The following HS6ST2 variants were observed in gnomAD, a reference collection of about 807,000 sequenced individuals.
HS6ST2 encodes heparan-sulfate 6-O-sulfotransferase 2.
In HS6ST2, 17 loss-of-function variants were observed where a neutral mutation model predicts 33.0. The ratio of observed to expected loss-of-function variants is 0.52; its 90% CI spans 0.35 to 0.77. The LOEUF (loss-of-function observed/expected upper bound fraction) is 0.77, where lower values mean the gene tolerates loss of function less well. Ranked by LOEUF, HS6ST2 falls within the 30% of genes least tolerant of loss-of-function variation. The pLI is 0.01. For missense variants in HS6ST2, 519 were observed against 551.7 expected, an observed-to-expected ratio of 0.94 and a Z score of 0.59; for synonymous variants, 248 against 237.1, an observed-to-expected ratio of 1.05 and a Z score of -0.42.
At chrX:132,808,622 T>A (rs2065309675) in intron 2 of HS6ST2, 1 of 112,158 alleles carries the variant, frequency 8.9e-6, no homozygotes, top group South Asian at 3.7e-4. Context: ...TCCTACCCAC[T>A]AGAATAAGGA....
At chrX:132,780,995 A>G (rs1304132969) in intron 2 of HS6ST2, among the ~76,000 whole-genome samples, 1 of 112,163 alleles carries the variant, frequency 8.9e-6, no homozygotes, top group Admixed American at 9.5e-5. Flanking sequence ...GTGAGACAGC[A>G]TACTGTGGCA....
intron 2 of HS6ST2, among the ~76,000 whole-genome samples, chrX:132,927,456 T>A (rs1205888900): frequency 8.9e-6 from 1 of 111,933 alleles, no homozygotes; most frequent in Admixed American, 9.5e-5. Flanking sequence ...ATGTCGCATA[T>A]CCTACTGGGC....
intron 2 of HS6ST2, among the ~76,000 whole-genome samples, chrX:132,805,003 T>C (rs1188634835): frequency 1.8e-5 from 2 of 111,232 alleles, no homozygotes; most frequent in East Asian, 5.7e-4. Flanking sequence ...CATGTATATA[T>C]ATAGCTACCA....
At chrX:132,915,357 T>C (rs1244854368) in intron 2 of HS6ST2, among the ~76,000 whole-genome samples, 2 of 112,672 alleles carry the variant, frequency 1.8e-5, no homozygotes, top group Non-Finnish European at 3.7e-5. Flanking sequence ...GAAGGTGAGC[T>C]GCTTTCAGCA....
chrX:132,665,722 G>A (rs1460640467), intron 4 of HS6ST2, among the ~76,000 whole-genome samples: 1 of 107,048 alleles, frequency 9.3e-6, no homozygotes, highest in African/African-American at 3.5e-5. Context: ...TATGCTTCCT[G>A]ATCTCAGTGA....
intron 4 of HS6ST2, among the ~76,000 whole-genome samples, chrX:132,634,367 G>A (rs1264781044): frequency 8.9e-6 from 1 of 112,133 alleles, no homozygotes; most frequent in African/African-American, 3.2e-5. Flanking sequence ...TACGCCACCT[G>A]TTTCACTTAG....
At chrX:132,758,659 T>C (rs1167367681) in intron 2 of HS6ST2, among the ~76,000 whole-genome samples, 3 of 111,733 alleles carry the variant, frequency 2.7e-5, no homozygotes, top group Non-Finnish European at 3.8e-5. Context: ...AGAAAGGGTC[T>C]CCCTTTCAGC....
intron 2 of HS6ST2, among the ~76,000 whole-genome samples, chrX:132,717,028 C>A (rs1306728378): frequency 4.4e-5 from 5 of 112,678 alleles, no homozygotes; most frequent in African/African-American, 1.6e-4. Context: ...ATTTAAAACA[C>A]AGAGAACGAA....
chrX:132,641,411 TGTTGGGATTACAG>T (rs937225714), intron 4 of HS6ST2, among the ~76,000 whole-genome samples: 6 of 112,618 alleles, frequency 5.3e-5, no homozygotes, highest in African/African-American at 1.6e-4. Context: ...CCTCCCAAAG[TGTTGGGATTACAG>T]GCATGAGCCA....
At chrX:132,834,221 C>T (rs1259077771) in intron 2 of HS6ST2, among the ~76,000 whole-genome samples, 1 of 111,930 alleles carries the variant, frequency 8.9e-6, no homozygotes, top group Admixed American at 9.5e-5. Context: ...TATTAGAACA[C>T]TTACTATGCA....
chrX:132,806,234 C>T (rs1452829514), intron 2 of HS6ST2, among the ~76,000 whole-genome samples: 1 of 110,617 alleles, frequency 9.0e-6, no homozygotes, highest in Non-Finnish European at 1.9e-5. Flanking sequence ...ATTCTCCTAA[C>T]CAATATTGCT....
intron 3 of HS6ST2, among the ~76,000 whole-genome samples, chrX:132,670,575 G>A (rs779010577): frequency 2.7e-5 from 3 of 111,722 alleles, no homozygotes; most frequent in Non-Finnish European, 5.7e-5. Flanking sequence ...CAAGTCAGGC[G>A]GATCACGAGG....
At chrX:132,872,090 A>G (rs2066065966) in intron 2 of HS6ST2, among the ~76,000 whole-genome samples, 1 of 111,266 alleles carries the variant, frequency 9.0e-6, no homozygotes, top group South Asian at 3.9e-4. Flanking sequence ...TGCTAAAGAC[A>G]TGAGCACATT....
At chrX:132,885,965 G>A (rs1473791995) in intron 2 of HS6ST2, among the ~76,000 whole-genome samples, 1 of 111,271 alleles carries the variant, frequency 9.0e-6, no homozygotes, top group Non-Finnish European at 1.9e-5. Context: ...AACCATCAGA[G>A]GAAAAACACC....
rs552065563 is a variant in HS6ST2 at position 132,904,259 on chromosome X, G to A, written c.947+52549C>T. 5.7e-4 allele frequency among the ~76,000 whole-genome samples: 63 copies of A among 111,416 alleles called. 1 individual carries two copies. In the South Asian group the frequency reaches 0.023, roughly 41 times the overall value. ...GTTATATTTTAAATTTTTTTGATTT[G>A]CCCTTCTCAGTTAATATTGTGAAAC... On this transcript the variant is annotated intron_variant, in intron 2 of 4. Transcript: ENST00000370833.
chrX:132,643,796 G>A (rs2063620144), intron 4 of HS6ST2, among the ~76,000 whole-genome samples: 2 of 111,967 alleles, frequency 1.8e-5, no homozygotes, highest in African/African-American at 6.5e-5. Context: ...AGGACTCAAA[G>A]TCAATGCTCA....
chrX:132,646,355 G>A (rs1390746084), intron 4 of HS6ST2, among the ~76,000 whole-genome samples: 1 of 110,438 alleles, frequency 9.1e-6, no homozygotes, highest in Non-Finnish European at 1.9e-5. Flanking sequence ...TTGCATGGGG[G>A]AGGGACTAAA....
At position 132,892,286 on chromosome X, in the gene HS6ST2, T is replaced by C. The variant is rs755181088; in HGVS notation, c.947+64522A>G. Among the ~76,000 whole-genome samples, 78 of 112,258 alleles carry C rather than the reference T, an allele frequency of 6.9e-4. No individual in the cohort carries two copies. In the East Asian group the frequency reaches 7.9e-3, roughly 11 times the overall value. ...TTCTTGACTCCCCTTGTATTTCTGATAGTGCACACTCTTGCTACTCAAAAT... is the reference window on the plus strand; with the variant it reads ...TTCTTGACTCCCCTTGTATTTCTGACAGTGCACACTCTTGCTACTCAAAAT... On this transcript the variant is annotated intron_variant, in intron 2 of 4. Transcript: ENST00000370833.
chrX:132,645,841 C>T (rs1426445044), intron 4 of HS6ST2, among the ~76,000 whole-genome samples: 1 of 112,309 alleles, frequency 8.9e-6, no homozygotes, highest in Non-Finnish European at 1.9e-5. Flanking sequence ...ATAGCACCCT[C>T]TTTCTCTTCT....
Sources: allele counts gnomAD v4.1 joint callset (sites outside exome capture counted in the v4.1 genomes callset), GRCh38; gene constraint gnomAD v4.1.1; transcripts MANE v1.5; gene names NCBI Gene and HGNC (gene_info 2026-07-23, HGNC 2026-07-21).